Variants in TCP11L1 observed in about 807,000 individuals in gnomAD.
TCP11L1 encodes t-complex 11 like 1.
Under a neutral mutation model 48.9 loss-of-function variants are expected in TCP11L1, and 28 were observed. The observed-to-expected ratio is 0.57, with a 90% confidence interval of 0.42 to 0.78. TCP11L1 has a LOEUF of 0.78. Ranked by LOEUF, TCP11L1 falls within the 30% of genes least tolerant of loss-of-function variation. TCP11L1 has a pLI of 0.00. For synonymous variants in TCP11L1, 204 were observed against 231.9 expected, an observed-to-expected ratio of 0.88 and a Z score of 1.09; for missense variants, 505 against 613.4, an observed-to-expected ratio of 0.82 and a Z score of 1.87.
intron 7 of TCP11L1, among the ~76,000 whole-genome samples, chr11:33,062,072 C>G (rs1418762578): frequency 6.6e-6 from 1 of 151,980 alleles, no homozygotes; most frequent in African/African-American, 2.4e-5. Context: ...CAGAGCGAGA[C>G]TCTGTCTCAA....
intron 6 of TCP11L1, among the ~76,000 whole-genome samples, chr11:33,059,730 A>G (rs1854416942): frequency 6.6e-6 from 1 of 152,182 alleles, no homozygotes; most frequent in African/African-American, 2.4e-5. Flanking sequence ...AGGAGATGAA[A>G]ACAGCAGTCT....
intron 1 of TCP11L1, among the ~76,000 whole-genome samples, chr11:33,043,512 T>G (rs747825136): frequency 2.0e-4 from 30 of 152,174 alleles, no homozygotes; most frequent in Admixed American, 5.9e-4. Flanking sequence ...ACAAAAATAT[T>G]CCAACTAACT....
intron 2 of TCP11L1, among the ~76,000 whole-genome samples, chr11:33,048,228 G>GC (rs1169498265): frequency 1.3e-5 from 2 of 151,142 alleles, no homozygotes; most frequent in African/African-American, 4.9e-5. Context: ...GCCCAGGCTG[G>GC]CCTTGAACTC....
intron 2 of TCP11L1, among the ~76,000 whole-genome samples, chr11:33,049,667 G>T (rs986065229): frequency 6.6e-6 from 1 of 152,186 alleles, no homozygotes; most frequent in African/African-American, 2.4e-5. Context: ...GTGCATTAAA[G>T]AGCAGTATTG....
intron 1 of TCP11L1, chr11:33,040,025 G>C (rs1242860023): frequency 6.6e-6 from 1 of 152,362 alleles, no homozygotes; most frequent in African/African-American, 2.4e-5. Flanking sequence ...GGCCTGAACA[G>C]CTGTTTACAA....
intron 7 of TCP11L1, among the ~76,000 whole-genome samples, chr11:33,063,770 A>T (rs1415263083): frequency 6.6e-6 from 1 of 152,134 alleles, no homozygotes; most frequent in Non-Finnish European, 1.5e-5. Context: ...TATCTTTCTT[A>T]TAAGTTCCTT....
chr11:33,060,173 G>A (rs568999637), intron 6 of TCP11L1, among the ~76,000 whole-genome samples: 5 of 152,174 alleles, frequency 3.3e-5, no homozygotes, highest in South Asian at 2.1e-4. Flanking sequence ...GCAGTGGCAC[G>A]ATCTCTGCTC....
chr11:33,043,703 G>A, intron 1 of TCP11L1, 47 bp from the exon 2 acceptor site: 1 of 1,504,454 alleles, frequency 6.6e-7, no homozygotes, highest in South Asian at 1.3e-5. Flanking sequence ...GTTGGTGACA[G>A]AGCTAGAATA....
At chr11:33,065,806 G>T (rs977206535) in intron 7 of TCP11L1, 24 bp from the exon 8 acceptor site, 56 of 1,601,210 alleles carry the variant, frequency 3.5e-5, no homozygotes, top group Non-Finnish European at 4.7e-5. Context: ...GCAGCTCAGC[G>T]ATGGCCTCTT....
intron 2 of TCP11L1, among the ~76,000 whole-genome samples, chr11:33,044,415 C>A (rs1348458157): frequency 1.3e-5 from 2 of 152,158 alleles, no homozygotes; most frequent in Non-Finnish European, 2.9e-5. Flanking sequence ...CATTTCAGAT[C>A]CCTGGCAAGG....
rs967537018 is a variant in TCP11L1 at position 33,072,366 on chromosome 11, C to T, written c.1328-108C>T. Reference sequence around the variant, plus strand: ...GGGTATCTGGTCTGGGAGTATTGATCGGGGACAACTTCCCCTAAGAGGTGA... The same window carrying T: ...GGGTATCTGGTCTGGGAGTATTGATTGGGGACAACTTCCCCTAAGAGGTGA... On this transcript the variant is annotated intron_variant, in intron 9 of 9. Transcript: ENST00000334274. 192 of 1,130,426 alleles carry T rather than the reference C, an allele frequency of 1.7e-4. 2 individuals are homozygous for T. In the Admixed American group the frequency reaches 3.2e-3, roughly 19 times the overall value. 70.0% of individuals were successfully genotyped at this position (1,130,426 alleles called of 1,614,324 possible).
chr11:33,053,299 C>A (rs961575849), intron 2 of TCP11L1, among the ~76,000 whole-genome samples: 5 of 152,094 alleles, frequency 3.3e-5, no homozygotes, highest in African/African-American at 1.2e-4. Flanking sequence ...CATGCACCAC[C>A]ACGCCCTGCT....
In TCP11L1 at chr11:33,058,148, A is replaced by G. The variant is rs757966769; in HGVS notation, c.638+9A>G. The stretch of plus-strand genomic sequence containing the variant: ...ATAGTGCCCCTTTTCAGGTATGGAA[A>G]TATGTTAATCATACTCCGTGCAACT... On this transcript the variant is annotated intron_variant, in intron 5 of 9. Coordinates refer to ENST00000334274, the MANE Select transcript of TCP11L1 (RefSeq NM_018393.4). 20 of 1,607,552 alleles carry G rather than the reference A, an allele frequency of 1.2e-5. No individual in the cohort carries two copies. Among genetic ancestry groups the G allele is most frequent in the Non-Finnish European group, 1.6e-5 (19 of 1,178,102 alleles).
At chr11:33,056,212 C>A (rs917799865) in intron 3 of TCP11L1, among the ~76,000 whole-genome samples, 1 of 152,040 alleles carries the variant, frequency 6.6e-6, no homozygotes, top group Admixed American at 6.6e-5. Context: ...TAGGTTCAAG[C>A]AATTCTCCTG....
rs777474532 is a variant in TCP11L1, at chr11:33,059,038, C to T, written c.718C>T (p.Gln240Ter). 2 of 1,614,174 alleles carry T rather than the reference C, an allele frequency of 1.2e-6. No individual in the cohort carries two copies. The highest frequency in any genetic ancestry group is 1.7e-5 in the Admixed American group (1 of 60,028). Reference sequence around the variant, plus strand: ...CAGTAGCATCAGGCCTCATCTCATGCAGCAGTCAGTTGAATACGAAAGGAA... The same window carrying T: ...CAGTAGCATCAGGCCTCATCTCATGTAGCAGTCAGTTGAATACGAAAGGAA... ...AISSIRPHLM[Q>*]QSVEYERKKF... Residue 240 changes from glutamine to a stop codon, truncating the protein, a stop_gained, in exon 6 of 10, where the codon CAG becomes TAG. Transcript: ENST00000334274. LOFTEE classifies it high-confidence loss of function.
chr11:33,051,529 CCTTG>C (rs1854161992), intron 2 of TCP11L1, among the ~76,000 whole-genome samples: 1 of 152,070 alleles, frequency 6.6e-6, no homozygotes, highest in Middle Eastern at 3.4e-3. Flanking sequence ...ACAAAACTAT[CCTTG>C]CTTTTCTTTT....
At chr11:33,041,685 A>C (rs1302771288) in intron 1 of TCP11L1, among the ~76,000 whole-genome samples, 1 of 151,942 alleles carries the variant, frequency 6.6e-6, no homozygotes, top group Non-Finnish European at 1.5e-5. Flanking sequence ...TGGGAGGCAG[A>C]GGTTGCAGTG....
chr11:33,059,190 C>G, intron 6 of TCP11L1, 95 bp downstream of exon 6: 2 of 1,496,064 alleles, frequency 1.3e-6, no homozygotes, highest in Non-Finnish European at 1.8e-6. Context: ...CAGAACAAAA[C>G]TAAAATTTAG....
At position 33,072,679 on chromosome 11, in the gene TCP11L1, T is replaced by C; in HGVS notation, c.*3T>C. 1 of 1,614,108 alleles carries C rather than the reference T, an allele frequency of 6.2e-7. No individual in the cohort carries two copies. Among genetic ancestry groups the C allele is most frequent in the Non-Finnish European group, 8.5e-7 (1 of 1,179,990 alleles). On this transcript the variant is annotated 3_prime_UTR_variant, in exon 10 of 10. Transcript: ENST00000334274. ...GTAAGATCCTCGTCCGATCCTAACGTGTATGCACCCTACAGCAGCAGTATT... is the reference window on the plus strand; with the variant it reads ...GTAAGATCCTCGTCCGATCCTAACGCGTATGCACCCTACAGCAGCAGTATT...
Sources: allele counts gnomAD v4.1 joint callset (sites outside exome capture counted in the v4.1 genomes callset), GRCh38; gene constraint gnomAD v4.1.1; transcripts MANE v1.5; gene names NCBI Gene and HGNC (gene_info 2026-07-23, HGNC 2026-07-21).